The following GRIK3 variants were observed in gnomAD, a reference collection of about 807,000 sequenced individuals.
GRIK3 encodes glutamate ionotropic receptor kainate type subunit 3.
In GRIK3, 29 loss-of-function variants were observed where a neutral mutation model predicts 102.5. The ratio of observed to expected loss-of-function variants is 0.28; its 90% CI spans 0.21 to 0.39. The LOEUF is 0.39. Ranked by LOEUF, GRIK3 falls within the 10% of genes least tolerant of loss-of-function variation. GRIK3 has a pLI of 1.00. For synonymous variants in GRIK3, 511 were observed against 504.9 expected (o/e 1.01, Z -0.16); for missense variants, 908 against 1,252.4 (o/e 0.73, Z 4.15).
intron 1 of GRIK3, among the ~76,000 whole-genome samples, chr1:36,964,209 C>T (rs1395633658): frequency 6.6e-6 from 1 of 152,242 alleles, no homozygotes; most frequent in Non-Finnish European, 1.5e-5. Flanking sequence ...TGCTGTACTC[C>T]TCTGGACAGC....
At chr1:36,977,797 C>A (rs1323954151) in intron 1 of GRIK3, among the ~76,000 whole-genome samples, 1 of 152,186 alleles carries the variant, frequency 6.6e-6, no homozygotes, top group African/African-American at 2.4e-5. Flanking sequence ...TAGCAGGACT[C>A]GGTTGCCAGA....
chr1:36,868,308 C>T (rs554795539), intron 5 of GRIK3, among the ~76,000 whole-genome samples: 2 of 152,280 alleles, frequency 1.3e-5, no homozygotes, highest in Admixed American at 6.5e-5. Flanking sequence ...CTTAGGTGGG[C>T]GGAAATCCAG....
intron 1 of GRIK3, among the ~76,000 whole-genome samples, chr1:37,005,833 G>A (rs1409404205): frequency 1.3e-5 from 2 of 152,194 alleles, no homozygotes; most frequent in African/African-American, 4.8e-5. Context: ...TAACTCTCAA[G>A]GGGATTTAGG....
At chr1:37,029,751 A>G (rs1376157627) in intron 1 of GRIK3, among the ~76,000 whole-genome samples, 3 of 152,196 alleles carry the variant, frequency 2.0e-5, no homozygotes, top group Non-Finnish European at 4.4e-5. Context: ...TTACAGCCCC[A>G]CAAAGGATCC....
intron 1 of GRIK3, among the ~76,000 whole-genome samples, chr1:36,987,986 T>C (rs1371194117): frequency 2.0e-5 from 3 of 152,170 alleles, no homozygotes; most frequent in Non-Finnish European, 2.9e-5. Flanking sequence ...AGAGCTTTCA[T>C]GCAAACGAAA....
intron 11 of GRIK3, 94 bp downstream of exon 11, chr1:36,825,509 G>A: frequency 1.3e-6 from 1 of 756,216 alleles, no homozygotes; most frequent in Non-Finnish European, 2.1e-6. Flanking sequence ...CCTGAGCCTT[G>A]GGCTTTCTGT....
rs190120760 is a variant in GRIK3, at chr1:36,854,012, C to T, written c.1105-290G>A. On this transcript the variant is annotated intron_variant, in intron 7 of 15. Transcript: ENST00000373091. ...CCCTGAAGTCATGGGAAGGGGGAGC[C>T]CATGTCAGATCCTGGGAGATGGGTA... Among the ~76,000 whole-genome samples the T allele has an allele frequency of 4.8e-3, 725 of 152,258 alleles. 4 individuals are homozygous for T. Among genetic ancestry groups the T allele is most frequent in the Non-Finnish European group, 6.6e-3 (448 of 68,022 alleles).
intron 15 of GRIK3, 135 bp downstream of exon 15, chr1:36,804,852 G>C (rs1218458262): frequency 3.4e-6 from 4 of 1,163,582 alleles, no homozygotes; most frequent in Non-Finnish European, 4.9e-6. Context: ...GGCAGGGCTT[G>C]CTGGCCGACT....
In GRIK3 at chr1:36,963,948, G is replaced by A. The variant is rs911516455; in HGVS notation, c.115+70046C>T. Among the ~76,000 whole-genome samples the A allele has an allele frequency of 3.9e-4, 60 of 152,368 alleles. 1 individual carries two copies. The highest frequency in any genetic ancestry group is 1.4e-3 in the African/African-American group (59 of 41,596). ...CCCCAGGGACAAAGAAGTAGCTGGT[G>A]AGGATGAAGAGACAGGGTTTAAAGC... On this transcript the variant is annotated intron_variant, in intron 1 of 15. Coordinates refer to ENST00000373091, the MANE Select transcript of GRIK3 (RefSeq NM_000831.4).
At chr1:36,896,688 G>T (rs1208563082) in intron 1 of GRIK3, among the ~76,000 whole-genome samples, 1 of 151,974 alleles carries the variant, frequency 6.6e-6, no homozygotes, top group Non-Finnish European at 1.5e-5. Flanking sequence ...AAACATCAAA[G>T]GTCTAAATGC....
intron 1 of GRIK3, among the ~76,000 whole-genome samples, chr1:36,906,382 G>T (rs1315742402): frequency 6.6e-6 from 1 of 152,196 alleles, no homozygotes; most frequent in Admixed American, 6.5e-5. Flanking sequence ...CATCTCAGAG[G>T]GCTGATTATT....
At chr1:36,867,160 T>C (rs1640794233) in intron 5 of GRIK3, among the ~76,000 whole-genome samples, 1 of 152,222 alleles carries the variant, frequency 6.6e-6, no homozygotes, top group South Asian at 2.1e-4. Flanking sequence ...GGCTAGTCTC[T>C]GTTCCCTAGA....
chr1:36,951,521 T>C (rs1257256107), intron 1 of GRIK3, among the ~76,000 whole-genome samples: 1 of 152,226 alleles, frequency 6.6e-6, no homozygotes, highest in Non-Finnish European at 1.5e-5. Flanking sequence ...CTCGGCAGCA[T>C]GGCTTCTGTC....
At chr1:36,855,122 G>A (rs1245503366) in intron 7 of GRIK3, among the ~76,000 whole-genome samples, 2 of 152,184 alleles carry the variant, frequency 1.3e-5, no homozygotes, top group Admixed American at 6.5e-5. Context: ...GAAAATCTGG[G>A]AGCTCACACA....
At chr1:36,951,010 C>T (rs1344364623) in intron 1 of GRIK3, among the ~76,000 whole-genome samples, 1 of 152,200 alleles carries the variant, frequency 6.6e-6, no homozygotes, top group Non-Finnish European at 1.5e-5. Context: ...TAGGGTGGAA[C>T]AAATGTGCTC....
chr1:36,861,756 C>A (rs1640729442), intron 5 of GRIK3, among the ~76,000 whole-genome samples: 1 of 152,182 alleles, frequency 6.6e-6, no homozygotes, highest in South Asian at 2.1e-4. Flanking sequence ...GGGTTTGGAG[C>A]AGACTTGAGC....
rs138432993 is a variant in GRIK3, at chr1:36,809,366, T to C, written c.2092-3040A>G. Among the ~76,000 whole-genome samples the C allele has an allele frequency of 2.7e-4, 41 of 152,210 alleles. 1 individual carries two copies. The East Asian group carries it at 6.9e-3, about 26-fold the overall frequency. On this transcript the variant is annotated intron_variant, in intron 13 of 15. Transcript: ENST00000373091. ...ATTTATCCATCTATCCAACCATCTA[T>C]CTATCCATCCATCCATCCGTCTGTT...
chr1:36,892,213 T>C lies in GRIK3; in HGVS notation c.116-1117A>G, dbSNP rs113120461. ...TTTGTATTTTTAGTAGAGATGGGAT[T>C]TCACCATGTTGGCCAGGCTGGTCTG... On this transcript the variant is annotated intron_variant, in intron 1 of 15. Transcript: ENST00000373091. Among the ~76,000 whole-genome samples, 1,116 of 152,282 alleles carry C rather than the reference T, an allele frequency of 7.3e-3. 14 individuals are homozygous for C. Among genetic ancestry groups the C allele is most frequent in the African/African-American group, 0.025 (1,052 of 41,544 alleles).
At chr1:36,978,714 T>C (rs1054678952) in intron 1 of GRIK3, among the ~76,000 whole-genome samples, 2 of 152,168 alleles carry the variant, frequency 1.3e-5, no homozygotes, top group Non-Finnish European at 2.9e-5. Flanking sequence ...TCTCTCATCA[T>C]CTAACATGCA....
Sources: gnomAD v4.1 joint callset for allele counts (sites outside exome capture counted in the v4.1 genomes callset) on GRCh38, gnomAD v4.1.1 for gene constraint, MANE v1.5 for transcripts, NCBI Gene and HGNC (gene_info 2026-07-23, HGNC 2026-07-21) for gene names.